Variants in PSMD7 observed in about 807,000 individuals in gnomAD.
The protein encoded by PSMD7 is 26S proteasome non-ATPase regulatory subunit 7.
Under a neutral mutation model 36.4 loss-of-function variants are expected in PSMD7, and 13 were observed. The observed-to-expected ratio is 0.36, with a 90% CI of 0.23 to 0.57. The LOEUF is 0.57. Among genes scored for constraint, PSMD7 ranks in the 20% least tolerant of loss-of-function variants. The probability of loss-of-function intolerance (pLI) is 0.83; values close to 1 mark genes in which losing one functional copy is unlikely to be tolerated. For missense variants in PSMD7, 298 were observed against 393.6 expected, an observed-to-expected ratio of 0.76 and a Z score of 2.06; for synonymous variants, 186 against 151.0, an observed-to-expected ratio of 1.23 and a Z score of -1.70.
intron 6 of PSMD7, 89 bp downstream of exon 6, chr16:74,304,483 TG>T: frequency 8.5e-7 from 1 of 1,172,756 alleles, no homozygotes. Context: ...TATGGAGACC[TG>T]GGGTCTCGTC....
rs747737075 is a variant in PSMD7, at chr16:74,305,902, G to A, written c.*169G>A. 5.7e-4 allele frequency: 376 copies of A among 655,002 alleles called. No homozygotes were observed. The highest frequency in any genetic ancestry group is 7.4e-4 in the Non-Finnish European group (333 of 452,164). The allele number at this position is 655,002 out of a possible 1,614,324, so 40.6% of individuals were successfully genotyped here. ...GTGGTGCTACGTGGAAGTGAATGGA[G>A]ACTGATCTCAAATCTGAACTGCAGC... is the stretch of plus-strand genomic sequence containing the variant. On this transcript the variant is annotated 3_prime_UTR_variant, in exon 7 of 7. Coordinates refer to ENST00000219313, the MANE Select transcript of PSMD7 (RefSeq NM_002811.5).
Position 74,305,513 on chromosome 16 carries a change from A to G in PSMD7, c.755A>G (p.Lys252Arg). ...LQEFVKAFYL[K>R]TNDQMVVVYL... The stretch of plus-strand genomic sequence containing the variant: ...GAGTTCGTCAAGGCCTTTTACCTGA[A>G]GACCAATGACCAGATGGTGGTAGTG... The change falls in exon 7 of 7, where the codon AAG becomes AGG. Residue 252 changes from lysine (K) to arginine (R), a missense_variant. Physicochemically the swap from Lys to Arg is conservative, Grantham distance 26 (BLOSUM62 2). Transcript: ENST00000219313. 1 of 1,614,174 alleles carries G rather than the reference A, an allele frequency of 6.2e-7. No homozygotes were observed. Among genetic ancestry groups the G allele is most frequent in the African/African-American group, 1.3e-5 (1 of 75,034 alleles).
chr16:74,300,589 T>C, intron 2 of PSMD7: 1 of 263,316 alleles, frequency 3.8e-6, no homozygotes, highest in South Asian at 5.9e-5. Context: ...TGGGGAACTT[T>C]ACCCCTTTAT....
chr16:74,304,551 C>CT, intron 6 of PSMD7, 157 bp downstream of exon 6: 1 of 557,722 alleles, frequency 1.8e-6, no homozygotes, highest in Non-Finnish European at 3.2e-6. Flanking sequence ...CTTTCCAGAC[C>CT]TTTGTTTTAT....
intron 5 of PSMD7, 40 bp downstream of exon 5, chr16:74,302,332 A>AATCACCCAATAAGTAGCAGT: frequency 6.7e-7 from 1 of 1,497,392 alleles, no homozygotes; most frequent in Non-Finnish European, 9.2e-7. Flanking sequence ...TTAGACTGCT[A>AATCACCCAATAAGTAGCAGT]CTTATTGGGT....
intron 1 of PSMD7, 68 bp from the exon 2 acceptor site, chr16:74,300,047 G>A: frequency 1.5e-6 from 2 of 1,317,240 alleles, no homozygotes; most frequent in South Asian, 2.4e-5. Context: ...TTCCCATTGA[G>A]TATCTTATTG....
intron 3 of PSMD7, 96 bp from the exon 4 acceptor site, chr16:74,301,459 G>C: frequency 1.1e-6 from 1 of 914,494 alleles, no homozygotes; most frequent in African/African-American, 1.7e-5. Context: ...TTTCAAAGAG[G>C]TAAAGGACAT....
chr16:74,301,660 G>T lies in PSMD7; in HGVS notation c.357+8G>T. The T allele has an allele frequency of 3.7e-6, 6 of 1,600,044 alleles. No homozygotes were observed. Among genetic ancestry groups the T allele is most frequent in the Non-Finnish European group, 2.6e-6 (3 of 1,168,926 alleles). The stretch of plus-strand genomic sequence containing the variant: ...AGATACTGTCCTAATTCCGTAAGTG[G>T]TGTCTATTTTTAAAACTCTTGAATG... On this transcript the variant is annotated splice_region_variant and intron_variant, in intron 4 of 6. Coordinates refer to ENST00000219313, the MANE Select transcript of PSMD7 (RefSeq NM_002811.5).
At position 74,305,658 on chromosome 16, in the gene PSMD7, G is replaced by A. The variant is rs758810985; in HGVS notation, c.900G>A (p.Arg300=). The change falls in exon 7 of 7, where the codon AGG becomes AGA. Residue 300 remains arginine (R), a synonymous_variant. Coordinates refer to ENST00000219313, the MANE Select transcript of PSMD7 (RefSeq NM_002811.5). The part of the protein sequence containing the change: ...GQEKEESKKD[R]KEDKEKDKDK... ...AGAAAGAAGAGAGCAAAAAGGATAGGAAAGAGGACAAGGAGAAAGATAAAG... is the reference window on the plus strand; with the variant it reads ...AGAAAGAAGAGAGCAAAAAGGATAGAAAAGAGGACAAGGAGAAAGATAAAG... 4.5e-6 allele frequency: 7 copies of A among 1,551,580 alleles called. 1 individual carries two copies. The South Asian group carries it at 7.3e-5, about 16-fold the overall frequency.
chr16:74,302,566 T>C (rs1057018707), intron 5 of PSMD7, among the ~76,000 whole-genome samples: 3 of 152,022 alleles, frequency 2.0e-5, no homozygotes, highest in African/African-American at 7.2e-5. Flanking sequence ...CTGGGCAACA[T>C]AGCAAGACAC....
In PSMD7 at chr16:74,305,937, T is replaced by A; in HGVS notation, c.*204T>A. On this transcript the variant is annotated 3_prime_UTR_variant, in exon 7 of 7. Transcript: ENST00000219313. ...AAATCTGAACTGCAGCTTTCGCTGCTGTGAGTTGGGGATATGATAGTCAGC... is the reference window on the plus strand; with the variant it reads ...AAATCTGAACTGCAGCTTTCGCTGCAGTGAGTTGGGGATATGATAGTCAGC... 1 of 447,574 alleles carries A rather than the reference T, an allele frequency of 2.2e-6. No homozygotes were observed. Among genetic ancestry groups the A allele is most frequent in the Non-Finnish European group, 3.7e-6 (1 of 273,628 alleles). 27.7% of individuals were successfully genotyped at this position (447,574 alleles called of 1,614,324 possible).
Position 74,301,555 on chromosome 16 carries a change from C to G in PSMD7, c.260C>G (p.Ala87Gly). Residue 87 changes from alanine (A) to glycine (G), a missense_variant and splice_region_variant, in exon 4 of 7, where the codon GCC becomes GGC. Coordinates refer to ENST00000219313, the MANE Select transcript of PSMD7 (RefSeq NM_002811.5). Reference protein sequence around the residue: ...NMYGMFKKVNARERIVGWYHT... With the variant: ...NMYGMFKKVNGRERIVGWYHT... ...GCCTGCTAATTTTTTTCCTTCCTAG[C>G]CAGGGAAAGAATAGTTGGCTGGTAC... 2 of 1,608,454 alleles carry G rather than the reference C, an allele frequency of 1.2e-6. No homozygotes were observed. The highest frequency in any genetic ancestry group is 1.7e-6 in the Non-Finnish European group (2 of 1,176,040).
At position 74,301,131 on chromosome 16, in the gene PSMD7, T is replaced by G; in HGVS notation, c.246T>G (p.Phe82Leu). Residue 82 changes from phenylalanine (F) to leucine (L), a missense_variant, in exon 3 of 7, where the codon TTT (phenylalanine) becomes TTG (leucine). By Grantham distance (22) the Phe-to-Leu change is conservative. Coordinates refer to ENST00000219313, the MANE Select transcript of PSMD7 (RefSeq NM_002811.5). ...HDYLENMYGM[F>L]KKVNARERIV... ...ATTTGGAAAACATGTATGGAATGTT[T>G]AAGAAAGTCAATGGTATGTCTTGAT... 1 of 1,607,270 alleles carries G rather than the reference T, an allele frequency of 6.2e-7. No homozygotes were observed. The highest frequency in any genetic ancestry group is 8.5e-7 in the Non-Finnish European group (1 of 1,174,616).
intron 4 of PSMD7, 130 bp downstream of exon 4, chr16:74,301,782 G>C: frequency 1.4e-6 from 1 of 700,166 alleles, no homozygotes; most frequent in Admixed American, 2.5e-5. Context: ...CTGTTGATTT[G>C]TAGTGCTCTG....
Position 74,306,006 on chromosome 16 carries a change from A to G in PSMD7, c.*273A>G, listed in dbSNP as rs998820652. 2.5e-5 allele frequency: 7 copies of G among 283,904 alleles called. No individual in the cohort carries two copies. The highest frequency in any genetic ancestry group is 1.5e-4 in the African/African-American group (7 of 46,300). The allele number at this position is 283,904 out of a possible 1,614,324, so 17.6% of individuals were successfully genotyped here. A position where few individuals can be genotyped will look rare whatever the true frequency, so the allele number is the denominator to read the frequency against. Reference sequence around the variant, plus strand: ...GAGAAAAATGAAGAGAAGTCAACAAATATTTTGGTACTCTTCATTCATTTA... The same window carrying G: ...GAGAAAAATGAAGAGAAGTCAACAAGTATTTTGGTACTCTTCATTCATTTA... On this transcript the variant is annotated 3_prime_UTR_variant, in exon 7 of 7. Transcript: ENST00000219313.
chr16:74,302,157 T>G (rs2034160941), intron 4 of PSMD7, 55 bp from the exon 5 acceptor site: 1 of 1,376,424 alleles, frequency 7.3e-7, no homozygotes, highest in Admixed American at 1.9e-5. Flanking sequence ...ATGCCTGAAA[T>G]TACCCCTTTT....
chr16:74,303,005 G>C (rs2034167195), intron 5 of PSMD7, among the ~76,000 whole-genome samples: 1 of 152,144 alleles, frequency 6.6e-6, no homozygotes, highest in African/African-American at 2.4e-5. Context: ...CCCTGGTTTT[G>C]ACCCAGTTGT....
At chr16:74,300,349 T>C (rs2034146073) in intron 2 of PSMD7, 143 bp downstream of exon 2, 3 of 723,822 alleles carry the variant, frequency 4.1e-6, no homozygotes, top group Admixed American at 2.4e-5. Flanking sequence ...AACCTGAAGA[T>C]TGCACACTAG....
chr16:74,301,729 A>AT, intron 4 of PSMD7, 77 bp downstream of exon 4: 7 of 1,190,562 alleles, frequency 5.9e-6, no homozygotes, highest in Non-Finnish European at 8.6e-6. Context: ...CCTGGGAAGA[A>AT]TTTGAGTAGC....
Sources: allele counts gnomAD v4.1 joint callset (sites outside exome capture counted in the v4.1 genomes callset), GRCh38; gene constraint gnomAD v4.1.1; transcripts MANE v1.5; gene names NCBI Gene and HGNC (gene_info 2026-07-23, HGNC 2026-07-21).